PDE1C: variants seen among roughly 807,000 people sequenced by gnomAD.
PDE1C encodes phosphodiesterase 1C.
In PDE1C, 62 loss-of-function variants were observed where a neutral mutation model predicts 93.1. That is an observed-to-expected ratio of 0.67 (90% CI 0.54 to 0.82). The LOEUF (loss-of-function observed/expected upper bound fraction) is 0.82. Among genes scored for constraint, PDE1C ranks in the 40% least tolerant of loss-of-function variants. The pLI is 0.00. For missense variants in PDE1C, 742 were observed against 884.6 expected (o/e 0.84, Z 2.04); for synonymous variants, 325 against 310.1 (o/e 1.05, Z -0.50).
the PDE1C span, among the ~76,000 whole-genome samples, chr7:31,620,439 A>C: frequency 6.6e-6 from 1 of 151,850 alleles, no homozygotes. Flanking sequence ...AGACAGCAGC[A>C]TTCGAGATTC....
chr7:32,114,401 G>A (rs772260294), intron 3 of PDE1C, among the ~76,000 whole-genome samples: 1 of 151,868 alleles, frequency 6.6e-6, no homozygotes, highest in Non-Finnish European at 1.5e-5. Context: ...AGTGGTGCTA[G>A]GAAAACTGCC....
At chr7:32,219,351 C>A (rs1202815352) in intron 1 of PDE1C, among the ~76,000 whole-genome samples, 1 of 152,182 alleles carries the variant, frequency 6.6e-6, no homozygotes, top group East Asian at 1.9e-4. Context: ...ATAAATATTT[C>A]CCTTTCATAG....
At chr7:31,988,714 A>C (rs957961541) in intron 2 of PDE1C, among the ~76,000 whole-genome samples, 1 of 152,102 alleles carries the variant, frequency 6.6e-6, no homozygotes, top group African/African-American at 2.4e-5. Context: ...AAATAAATAC[A>C]GGCTTGGCAC....
At chr7:32,081,000 G>A (rs1264379102) in intron 3 of PDE1C, among the ~76,000 whole-genome samples, 1 of 152,074 alleles carries the variant, frequency 6.6e-6, no homozygotes, top group Non-Finnish European at 1.5e-5. Context: ...TTTATGGAGA[G>A]GCATAGAAAC....
the PDE1C span, among the ~76,000 whole-genome samples, chr7:31,742,578 C>T: frequency 3.3e-5 from 5 of 152,284 alleles, no homozygotes; most frequent in African/African-American, 9.6e-5. Context: ...AATCTTCCTT[C>T]ACTGAAACAC....
chr7:32,357,293 C>T (rs966801911), intron 1 of PDE1C, among the ~76,000 whole-genome samples: 12 of 151,574 alleles, frequency 7.9e-5, no homozygotes, highest in African/African-American at 2.7e-4. Context: ...GAGATCGCAC[C>T]ACTGCACTCC....
intron 2 of PDE1C, among the ~76,000 whole-genome samples, chr7:32,018,006 G>A (rs10265590): frequency 0.3 from 45,821 of 151,708 alleles, 8,067 homozygotes; most frequent in Non-Finnish European, 0.41. Flanking sequence ...CTTGAGCCCG[G>A]GAAGTGGAGG....
At chr7:31,886,291 A>G (rs1177068505) in intron 2 of PDE1C, among the ~76,000 whole-genome samples, 1 of 152,192 alleles carries the variant, frequency 6.6e-6, no homozygotes, top group Non-Finnish European at 1.5e-5. Flanking sequence ...CATAGGAAAT[A>G]ACTTAAAACA....
At chr7:31,778,403 G>A (rs1318133442) in intron 16 of PDE1C, among the ~76,000 whole-genome samples, 2 of 152,160 alleles carry the variant, frequency 1.3e-5, no homozygotes, top group Non-Finnish European at 2.9e-5. Context: ...TTTGGGATAG[G>A]GTTTCTCAGC....
chr7:32,005,555 C>CA (rs59246166), intron 2 of PDE1C, among the ~76,000 whole-genome samples: 6,938 of 50,320 alleles, frequency 0.14, 1,288 homozygotes, highest in Admixed American at 0.21. Flanking sequence ...GACTCCATTT[C>CA]AAAAAAAAAA....
chr7:31,886,394 T>C (rs1257683409), intron 2 of PDE1C, among the ~76,000 whole-genome samples: 5 of 152,254 alleles, frequency 3.3e-5, no homozygotes, highest in Admixed American at 3.3e-4. Context: ...GGCCATTGTT[T>C]GTTTCTATAA....
chr7:31,738,409 A>G, the PDE1C span, among the ~76,000 whole-genome samples: 1 of 152,214 alleles, frequency 6.6e-6, no homozygotes, highest in African/African-American at 2.4e-5. Context: ...GGGAACTACC[A>G]TTTATAAAAC....
intron 13 of PDE1C, among the ~76,000 whole-genome samples, chr7:31,823,500 CTCT>C (rs1334116423): frequency 6.6e-6 from 1 of 152,006 alleles, no homozygotes; most frequent in Admixed American, 6.6e-5. Context: ...GCTATTTGGC[CTCT>C]TCTTTTTTCC....
At chr7:31,831,493 TGCACGCACACACACACACACACACAC>T (rs1562882145) in intron 11 of PDE1C, among the ~76,000 whole-genome samples, 1 of 41,182 alleles carries the variant, frequency 2.4e-5, no homozygotes, top group Non-Finnish European at 5.7e-5. Flanking sequence ...CACACACACA[TGCACGCACACACACACACACACACAC>T]GCACATACAC....
chr7:31,933,153 A>C lies in PDE1C; in HGVS notation c.129-52293T>G, dbSNP rs1336103460. Among the ~76,000 whole-genome samples the C allele has an allele frequency of 4.6e-5, 7 of 152,250 alleles. No homozygotes were observed. The East Asian group carries it at 1.2e-3, about 25-fold the overall frequency. ...ACCTAGATGATGGGTTGATGGGTGC[A>C]GCAAGCCACCATGGTACATGTATAC... is the stretch of plus-strand genomic sequence containing the variant. On this transcript the variant is annotated intron_variant, in intron 2 of 17. Coordinates refer to ENST00000396191, the MANE Select transcript of PDE1C (RefSeq NM_001191057.4).
intron 9 of PDE1C, among the ~76,000 whole-genome samples, chr7:31,839,195 T>C (rs1263066329): frequency 2.7e-5 from 4 of 149,098 alleles, no homozygotes; most frequent in South Asian, 2.1e-4. Context: ...TATGTATACA[T>C]ACATACATAC....
chr7:32,078,233 C>T (rs911938520), intron 3 of PDE1C, among the ~76,000 whole-genome samples: 3 of 152,278 alleles, frequency 2.0e-5, no homozygotes, highest in Admixed American at 6.5e-5. Context: ...AGATAAGGAA[C>T]GAGCAGCTCA....
chr7:31,653,189 C>T, the PDE1C span: 10 of 213,176 alleles, frequency 4.7e-5, no homozygotes, highest in Admixed American at 1.5e-4. Flanking sequence ...TAAGGATACA[C>T]ACCCAGAAGA....
At chr7:32,209,022 T>C (rs1440309631) in intron 2 of PDE1C, among the ~76,000 whole-genome samples, 1 of 152,222 alleles carries the variant, frequency 6.6e-6, no homozygotes, top group African/African-American at 2.4e-5. Context: ...GCTACAAGCA[T>C]TTCACGTACC....
Sources: gnomAD v4.1 joint callset for allele counts (sites outside exome capture counted in the v4.1 genomes callset) on GRCh38, gnomAD v4.1.1 for gene constraint, MANE v1.5 for transcripts, NCBI Gene and HGNC (gene_info 2026-07-23, HGNC 2026-07-21) for gene names.